USP6NL: variants seen among roughly 807,000 people sequenced by gnomAD.
USP6NL encodes the protein USP6 N-terminal-like protein.
Under a neutral mutation model 61.9 loss-of-function variants are expected in USP6NL, and 26 were observed. That is an observed-to-expected ratio of 0.42 (90% CI 0.31 to 0.58). The LOEUF is 0.58. Ranked by LOEUF, USP6NL falls within the 20% of genes least tolerant of loss-of-function variation. The pLI, the probability that USP6NL is intolerant of heterozygous loss-of-function variation, is 0.16. For missense variants in USP6NL, 1,114 were observed against 1,034.3 expected (o/e 1.08, Z -1.06); for synonymous variants, 432 against 390.1 (o/e 1.11, Z -1.27).
intron 2 of USP6NL, chr10:11,563,191 T>C (rs968547435): frequency 2.0e-5 from 3 of 152,102 alleles, no homozygotes; most frequent in Non-Finnish European, 2.9e-5. Context: ...TAATATAATA[T>C]ATGATTCCAT....
At chr10:11,522,761 C>T (rs1835262388) in intron 4 of USP6NL, among the ~76,000 whole-genome samples, 1 of 152,194 alleles carries the variant, frequency 6.6e-6, no homozygotes, top group African/African-American at 2.4e-5. Context: ...TCTTTAGGTC[C>T]TCGTTTTCCC....
chr10:11,539,267 T>C (rs1003665911), intron 2 of USP6NL, among the ~76,000 whole-genome samples: 21 of 152,174 alleles, frequency 1.4e-4, no homozygotes, highest in African/African-American at 4.8e-4. Context: ...AGTCACCCAG[T>C]GGGCAGGTCT....
chr10:11,497,414 A>C (rs1201382110), intron 7 of USP6NL, among the ~76,000 whole-genome samples: 2 of 149,180 alleles, frequency 1.3e-5, no homozygotes, highest in African/African-American at 4.9e-5. Context: ...TCAGTCTCAA[A>C]AAAAAAAAAA....
intron 2 of USP6NL, among the ~76,000 whole-genome samples, chr10:11,555,269 G>T (rs1836648408): frequency 1.3e-5 from 2 of 148,732 alleles, no homozygotes; most frequent in Non-Finnish European, 3.0e-5. Flanking sequence ...ACAAAAATTA[G>T]CCAGGTATGG....
chr10:11,599,359 C>G (rs1347431405), intron 1 of USP6NL, among the ~76,000 whole-genome samples: 2 of 152,184 alleles, frequency 1.3e-5, no homozygotes, highest in African/African-American at 2.4e-5. Flanking sequence ...AAATTTAAAA[C>G]TCCTAAATGG....
At chr10:11,551,680 C>T (rs78203626) in intron 2 of USP6NL, among the ~76,000 whole-genome samples, 1,866 of 152,336 alleles carry the variant, frequency 0.012, 37 homozygotes, top group African/African-American at 0.043. Context: ...GCCTCTCTGA[C>T]TCTAAGTCCT....
At position 11,597,839 on chromosome 10, in the gene USP6NL, T is replaced by G; in HGVS notation, c.-83-122A>C. The G allele has an allele frequency of 1.8e-6, 1 of 548,264 alleles. No individual in the cohort carries two copies. 34.0% of individuals were successfully genotyped at this position (548,264 alleles called of 1,614,324 possible). ...CTACTATTTCCAAAAAGAACTCTTG[T>G]GATCACCTATTAAATATAAAAGATT... is the stretch of plus-strand genomic sequence containing the variant. On this transcript the variant is annotated intron_variant, in intron 1 of 14. Coordinates refer to ENST00000609104, the MANE Select transcript of USP6NL (RefSeq NM_014688.5). This position sits in a 1 kb window ranked among gnomAD's most constrained non-coding sequence, Gnocchi z 4.6.
intron 1 of USP6NL, among the ~76,000 whole-genome samples, chr10:11,610,098 T>C (rs1395706409): frequency 1.3e-5 from 2 of 152,168 alleles, no homozygotes; most frequent in Non-Finnish European, 2.9e-5. Context: ...AGCAAAGGAA[T>C]TTCTGTTAAC....
At chr10:11,606,422 G>GA in intron 1 of USP6NL, among the ~76,000 whole-genome samples, 1 of 152,294 alleles carries the variant, frequency 6.6e-6, no homozygotes, top group South Asian at 2.1e-4. Flanking sequence ...TGAGGAAAAT[G>GA]AAATGCAGTT....
chr10:11,573,394 A>G (rs191710850), intron 2 of USP6NL: 22 of 368,312 alleles, frequency 6.0e-5, no homozygotes, highest in African/African-American at 4.4e-4. Context: ...ACCTCTTAAT[A>G]ATATCCCCCT....
At chr10:11,608,435 G>A (rs917246285) in intron 1 of USP6NL, among the ~76,000 whole-genome samples, 9 of 152,182 alleles carry the variant, frequency 5.9e-5, no homozygotes, top group African/African-American at 9.7e-5. Context: ...GGCTATGGAC[G>A]GAACTCATAC....
Position 11,462,803 on chromosome 10 carries a change from C to G in USP6NL, c.2125G>C (p.Gly709Arg), listed in dbSNP as rs748928089. ...EVLPVDTGAG[G>R]YSGNSGSPKN... ...GGTGACCCTGAATTGCCCGAATATCCCCCAGCACCAGTGTCAACAGGGAGG... is the reference window on the plus strand; with the variant it reads ...GGTGACCCTGAATTGCCCGAATATCGCCCAGCACCAGTGTCAACAGGGAGG... Residue 709 changes from glycine (G) to arginine (R), a missense_variant, in exon 15 of 15, where the codon GGA (glycine) becomes CGA (arginine). Gly to Arg is a moderately radical substitution (Grantham distance 125). Transcript: ENST00000609104. 9 of 1,613,802 alleles carry G rather than the reference C, an allele frequency of 5.6e-6. 1 individual carries two copies. The African/African-American group carries it at 1.2e-4, about 22-fold the overall frequency.
chr10:11,557,778 G>A (rs144397064), intron 2 of USP6NL, among the ~76,000 whole-genome samples: 14 of 152,226 alleles, frequency 9.2e-5, no homozygotes, highest in African/African-American at 2.9e-4. Context: ...CTACACGGGC[G>A]GGCTCATCTG....
rs1838468240 is a variant in USP6NL at position 11,600,056 on chromosome 10, CT to C, written c.-83-2340del. ...AGAAAATGTTTAGACTCCCTTTCTC[CT>C]CCCCTAAATGCTACTTTTGCACTAA... On this transcript the variant is annotated intron_variant, in intron 1 of 14. Coordinates refer to ENST00000609104, the MANE Select transcript of USP6NL (RefSeq NM_014688.5). The surrounding 1 kb of genome is among the most constrained non-coding windows in gnomAD (Gnocchi z 4.1). 6.6e-6 allele frequency among the ~76,000 whole-genome samples: 1 copy of C among 152,096 alleles called. No individual in the cohort carries two copies. The highest frequency in any genetic ancestry group is 2.1e-4 in the South Asian group (1 of 4,818).
chr10:11,501,282 T>C, intron 6 of USP6NL, 74 bp from the exon 7 acceptor site: 1 of 1,163,126 alleles, frequency 8.6e-7, no homozygotes, highest in Non-Finnish European at 1.2e-6. Context: ...TTAATCTTGC[T>C]AATATTTGTT....
intron 2 of USP6NL, among the ~76,000 whole-genome samples, chr10:11,583,024 T>C (rs1365595965): frequency 2.0e-5 from 3 of 150,836 alleles, no homozygotes; most frequent in East Asian, 1.9e-4. Flanking sequence ...ATTAAATAAA[T>C]AATTACAAAA....
intron 2 of USP6NL, among the ~76,000 whole-genome samples, chr10:11,569,638 G>C (rs1441824036): frequency 6.6e-6 from 1 of 152,198 alleles, no homozygotes; most frequent in Admixed American, 6.5e-5. Flanking sequence ...GACTGCTGGA[G>C]AAGGAGGGAA....
Position 11,528,085 on chromosome 10 carries a change from G to C in USP6NL, c.5-518C>G, listed in dbSNP as rs558845680. Among the ~76,000 whole-genome samples, 2 of 150,950 alleles carry C rather than the reference G, an allele frequency of 1.3e-5. No homozygotes were observed. Among genetic ancestry groups the C allele is most frequent in the African/African-American group, 4.9e-5 (2 of 41,052 alleles). ...ATAACAATCTCCTAACCGGTCTCTA[G>C]GACTCCAGTTTTATCATACATATGT... On this transcript the variant is annotated intron_variant, in intron 2 of 14. Coordinates refer to ENST00000609104, the MANE Select transcript of USP6NL (RefSeq NM_014688.5). This position sits in a 1 kb window ranked among gnomAD's most constrained non-coding sequence, Gnocchi z 4.6.
intron 2 of USP6NL, among the ~76,000 whole-genome samples, chr10:11,538,832 A>T (rs1835936199): frequency 6.6e-6 from 1 of 152,314 alleles, no homozygotes; most frequent in Non-Finnish European, 1.5e-5. Flanking sequence ...TTTAAATAAC[A>T]TAGGGGGCTC....
Sources: allele counts gnomAD v4.1 joint callset (sites outside exome capture counted in the v4.1 genomes callset), GRCh38; gene constraint gnomAD v4.1.1; non-coding constraint Gnocchi (gnomAD v3.1); transcripts MANE v1.5; gene names NCBI Gene and HGNC (gene_info 2026-07-23, HGNC 2026-07-21).